The following CEP170 variants were observed in gnomAD, a reference collection of about 807,000 sequenced individuals.
CEP170 encodes the protein centrosomal protein of 170 kDa.
CEP170 carries 21 observed loss-of-function variants against 151.9 expected under a neutral mutation model. The ratio of observed to expected loss-of-function variants is 0.14; its 90% CI spans 0.10 to 0.20. The LOEUF (loss-of-function observed/expected upper bound fraction) is 0.20, where lower values mean the gene tolerates loss of function less well. Among genes scored for constraint, CEP170 ranks in the 10% least tolerant of loss-of-function variants. CEP170 has a pLI of 1.00. For synonymous variants in CEP170, 356 were observed against 648.8 expected, an observed-to-expected ratio of 0.55 and a Z score of 6.86; for missense variants, 964 against 1,892.9, an observed-to-expected ratio of 0.51 and a Z score of 9.11.
At chr1:243,159,802 T>TGTGTGTGTGTGTGTGTGTGTGTG (rs58250126) in intron 13 of CEP170, among the ~76,000 whole-genome samples, 169 of 150,930 alleles carry the variant, frequency 1.1e-3, no homozygotes, top group South Asian at 2.9e-3. Flanking sequence ...TGTGTGTGTG[T>TGTGTGTGTGTGTGTGTGTGTGTG]TTTTGAGATG....
At chr1:243,189,425 G>A (rs1362791939) in intron 8 of CEP170, among the ~76,000 whole-genome samples, 4 of 151,740 alleles carry the variant, frequency 2.6e-5, no homozygotes, top group Non-Finnish European at 4.4e-5. Flanking sequence ...GTGTGGTGGT[G>A]GGCGCCTGTA....
chr1:243,211,782 T>C, intron 4 of CEP170, 104 bp downstream of exon 4: 1 of 1,299,632 alleles, frequency 7.7e-7, no homozygotes, highest in South Asian at 1.4e-5. Context: ...AAATAGAAAT[T>C]CTGGCATATC....
chr1:243,241,792 T>TAA (rs34933017), intron 1 of CEP170, among the ~76,000 whole-genome samples: 12 of 140,020 alleles, frequency 8.6e-5, no homozygotes, highest in Admixed American at 2.2e-4. Context: ...TCCCTCTCAT[T>TAA]AAAAAAAAAA....
At chr1:243,216,889 T>C (rs2062351664) in intron 3 of CEP170, among the ~76,000 whole-genome samples, 1 of 152,232 alleles carries the variant, frequency 6.6e-6, no homozygotes, top group Admixed American at 6.5e-5. Context: ...TTAAAACTTA[T>C]GTCTTGAGTT....
chr1:243,221,548 G>T, intron 3 of CEP170, 176 bp downstream of exon 3: 1 of 566,524 alleles, frequency 1.8e-6, no homozygotes, highest in Non-Finnish European at 3.1e-6. Context: ...TTTGGAATAT[G>T]GGCTAGTTTC....
At chr1:243,193,565 T>C (rs2060451734) in intron 7 of CEP170, among the ~76,000 whole-genome samples, 1 of 152,150 alleles carries the variant, frequency 6.6e-6, no homozygotes, top group Admixed American at 6.6e-5. Flanking sequence ...CAAGGTCACC[T>C]GTTTTGAAGG....
At chr1:243,229,711 T>C (rs1294952915) in intron 1 of CEP170, among the ~76,000 whole-genome samples, 1 of 152,192 alleles carries the variant, frequency 6.6e-6, no homozygotes, top group Non-Finnish European at 1.5e-5. Flanking sequence ...TTGTTGCTTT[T>C]GATTACTGAG....
In CEP170 at chr1:243,218,558, G is replaced by T. The variant is rs549740413; in HGVS notation, c.195+3166C>A. Among the ~76,000 whole-genome samples the T allele has an allele frequency of 4.6e-5, 7 of 152,136 alleles. No homozygotes were observed. In the South Asian group the frequency reaches 1.5e-3, roughly 32 times the overall value. ...AATTGTAGATCTAGGTCCCTTGGGA[G>T]TGTATTCTGGGCTAGGGTGAAAGGG... On this transcript the variant is annotated intron_variant, in intron 3 of 19. Transcript: ENST00000366542.
In CEP170 at chr1:243,186,181, T is replaced by G. The variant is rs1437897613; in HGVS notation, c.1272+78A>C. 1.2e-5 allele frequency: 19 copies of G among 1,613,294 alleles called. No individual in the cohort carries two copies. In the Admixed American group the frequency reaches 3.2e-4, roughly 27 times the overall value. ...TTTCCTGACACAAGATTCCCGCACT[T>G]TGAGTAAAAGAATACGACCTTCTTT... On this transcript the variant is annotated intron_variant, in intron 9 of 19. Coordinates refer to ENST00000366542, the MANE Select transcript of CEP170 (RefSeq NM_014812.3).
chr1:243,240,158 A>G (rs954091331), intron 1 of CEP170, among the ~76,000 whole-genome samples: 9 of 152,164 alleles, frequency 5.9e-5, no homozygotes, highest in Non-Finnish European at 1.2e-4. Flanking sequence ...TACAAATACG[A>G]AATTAACTGG....
rs560491470 is a variant in CEP170, at chr1:243,187,800, A to G, written c.1109-1378T>C. ...AATGTGGTGCATAAAAGGAATGAGA[A>G]GACACAGAAGAGAGAACTGCGGAAT... is the stretch of plus-strand genomic sequence containing the variant. On this transcript the variant is annotated intron_variant, in intron 8 of 19. Coordinates refer to ENST00000366542, the MANE Select transcript of CEP170 (RefSeq NM_014812.3). 7.2e-5 allele frequency among the ~76,000 whole-genome samples: 11 copies of G among 152,330 alleles called. No individual in the cohort carries two copies. In the East Asian group the frequency reaches 1.9e-3, roughly 27 times the overall value.
intron 14 of CEP170, among the ~76,000 whole-genome samples, chr1:243,143,238 T>C (rs1285052719): frequency 6.6e-6 from 1 of 152,118 alleles, no homozygotes; most frequent in East Asian, 1.9e-4. Context: ...CTTTACACTA[T>C]GCACAGCACT....
At chr1:243,218,486 G>A (rs776036182) in intron 3 of CEP170, among the ~76,000 whole-genome samples, 2 of 152,214 alleles carry the variant, frequency 1.3e-5, no homozygotes, top group African/African-American at 4.8e-5. Flanking sequence ...GGAACCGACT[G>A]TAGCTTTCTC....
chr1:243,186,948 C>T (rs1040766953), intron 8 of CEP170, among the ~76,000 whole-genome samples: 2 of 152,132 alleles, frequency 1.3e-5, no homozygotes, highest in African/African-American at 4.8e-5. Flanking sequence ...CATATTTTTC[C>T]TTTTTATTAA....
chr1:243,160,216 A>T (rs1290855094), intron 13 of CEP170, among the ~76,000 whole-genome samples: 1 of 152,220 alleles, frequency 6.6e-6, no homozygotes, highest in Non-Finnish European at 1.5e-5. Context: ...ATTTATAAAA[A>T]TAAATTTGAT....
chr1:243,242,888 C>T (rs529491775), intron 1 of CEP170, among the ~76,000 whole-genome samples: 2 of 152,132 alleles, frequency 1.3e-5, no homozygotes, highest in South Asian at 2.1e-4. Context: ...TTAGTAGAGA[C>T]GGGGTTTCTC....
At chr1:243,156,900 T>C (rs1487386221) in intron 13 of CEP170, 1 of 153,086 alleles carries the variant, frequency 6.5e-6, no homozygotes, top group Non-Finnish European at 1.5e-5. Flanking sequence ...TCATGCCACA[T>C]GGACTTTCAA....
chr1:243,128,423 A>T, intron 18 of CEP170, 123 bp from the exon 19 acceptor site: 1 of 622,860 alleles, frequency 1.6e-6, no homozygotes, highest in Middle Eastern at 3.2e-4. Flanking sequence ...TACTTACTAC[A>T]TTAATAGCAA....
At chr1:243,189,428 C>T (rs1429885596) in intron 8 of CEP170, among the ~76,000 whole-genome samples, 13 of 151,500 alleles carry the variant, frequency 8.6e-5, no homozygotes, top group Admixed American at 3.9e-4. Context: ...TGGTGGTGGG[C>T]GCCTGTAGTT....
Sources: gnomAD v4.1 joint callset for allele counts (sites outside exome capture counted in the v4.1 genomes callset) on GRCh38, gnomAD v4.1.1 for gene constraint, MANE v1.5 for transcripts, NCBI Gene and HGNC (gene_info 2026-07-23, HGNC 2026-07-21) for gene names.